The following ZNF804B variants were observed in gnomAD, a reference collection of about 807,000 sequenced individuals.
ZNF804B encodes zinc finger protein 804B, also known as zinc finger 804B.
A neutral mutation model predicts 101.4 loss-of-function variants in ZNF804B; 80 were observed. That is an observed-to-expected ratio of 0.79 (90% CI 0.66 to 0.95). ZNF804B has a LOEUF of 0.95. Ranked by LOEUF, ZNF804B falls within the 40% of genes least tolerant of loss-of-function variation. ZNF804B has a pLI of 0.00. For synonymous variants in ZNF804B, 622 were observed against 558.8 expected, an observed-to-expected ratio of 1.11 and a Z score of -1.59; for missense variants, 1,673 against 1,561.9, an observed-to-expected ratio of 1.07 and a Z score of -1.20.
intron 2 of ZNF804B, among the ~76,000 whole-genome samples, chr7:89,263,206 G>A (rs901652375): frequency 6.6e-6 from 1 of 152,140 alleles, no homozygotes; most frequent in African/African-American, 2.4e-5. Context: ...TTCCATTGTT[G>A]TTTGCCAAGG....
chr7:89,123,385 T>C (rs1790433304), intron 1 of ZNF804B, among the ~76,000 whole-genome samples: 1 of 152,182 alleles, frequency 6.6e-6, no homozygotes, highest in Non-Finnish European at 1.5e-5. Context: ...TTTGTGAAGA[T>C]GCACCTCCTC....
chr7:88,801,934 G>C (rs1790597427), intron 1 of ZNF804B, among the ~76,000 whole-genome samples: 1 of 152,052 alleles, frequency 6.6e-6, no homozygotes, highest in South Asian at 2.1e-4. Context: ...ATATGGTTTG[G>C]CTGTGTGGCC....
chr7:88,822,731 A>G (rs1413429564), intron 1 of ZNF804B, among the ~76,000 whole-genome samples: 1 of 152,198 alleles, frequency 6.6e-6, no homozygotes, highest in African/African-American at 2.4e-5. Flanking sequence ...GTTCATGGCC[A>G]CTAGTAAATA....
intron 1 of ZNF804B, among the ~76,000 whole-genome samples, chr7:89,217,483 G>A (rs879923894): frequency 5.9e-5 from 9 of 152,174 alleles, no homozygotes; most frequent in Admixed American, 2.0e-4. Context: ...CTTGTGCATA[G>A]TTTATACTCA....
At chr7:89,089,775 G>A (rs747132749) in intron 1 of ZNF804B, among the ~76,000 whole-genome samples, 1 of 151,908 alleles carries the variant, frequency 6.6e-6, no homozygotes, top group Admixed American at 6.6e-5. Context: ...TAAAATGCAG[G>A]TGTTGTATTT....
At chr7:89,280,961 C>A (rs1562935887) in intron 2 of ZNF804B, among the ~76,000 whole-genome samples, 1 of 152,060 alleles carries the variant, frequency 6.6e-6, no homozygotes, top group Non-Finnish European at 1.5e-5. Flanking sequence ...TAAGTCTAAT[C>A]TTTGTTCTAC....
intron 1 of ZNF804B, among the ~76,000 whole-genome samples, chr7:89,028,120 T>G (rs1369739385): frequency 6.6e-6 from 1 of 152,148 alleles, no homozygotes; most frequent in Non-Finnish European, 1.5e-5. Flanking sequence ...TACATAATTA[T>G]AGAGTGGTTT....
chr7:89,048,330 G>T (rs1231577827), intron 1 of ZNF804B, among the ~76,000 whole-genome samples: 1 of 151,888 alleles, frequency 6.6e-6, no homozygotes, highest in South Asian at 2.1e-4. Flanking sequence ...AAGGAATGAA[G>T]TCTTTTTTAA....
At chr7:89,132,169 T>TACACACACAC (rs59188340) in intron 1 of ZNF804B, among the ~76,000 whole-genome samples, 106 of 131,404 alleles carry the variant, frequency 8.1e-4, no homozygotes, top group East Asian at 7.1e-3. Flanking sequence ...CACGCACACA[T>TACACACACAC]ACACACACAC....
At chr7:88,762,581 C>T (rs367744805) in intron 1 of ZNF804B, among the ~76,000 whole-genome samples, 1 of 152,088 alleles carries the variant, frequency 6.6e-6, no homozygotes, top group African/African-American at 2.4e-5. Context: ...AATACACATT[C>T]CCCAGTTATT....
chr7:89,060,010 C>G (rs1789354454), intron 1 of ZNF804B, among the ~76,000 whole-genome samples: 1 of 152,098 alleles, frequency 6.6e-6, no homozygotes. Context: ...CTTTGGACTC[C>G]AGGACTTACA....
intron 1 of ZNF804B, among the ~76,000 whole-genome samples, chr7:89,188,827 A>G (rs958142614): frequency 6.6e-6 from 1 of 152,160 alleles, no homozygotes; most frequent in African/African-American, 2.4e-5. Context: ...GCTGTAGAAG[A>G]AAAGATTGAA....
intron 1 of ZNF804B, among the ~76,000 whole-genome samples, chr7:88,896,898 T>G (rs1342659786): frequency 5.9e-5 from 9 of 152,198 alleles, no homozygotes; most frequent in Admixed American, 5.9e-4. Context: ...ATTTTTCTCA[T>G]AAAAGTGAAT....
intron 2 of ZNF804B, among the ~76,000 whole-genome samples, chr7:89,259,487 G>T (rs551233412): frequency 3.9e-4 from 60 of 152,238 alleles, no homozygotes; most frequent in African/African-American, 1.3e-3. Context: ...AACAATGATG[G>T]CATCTTCAAT....
At chr7:89,275,453 A>G (rs947599827) in intron 2 of ZNF804B, among the ~76,000 whole-genome samples, 3 of 152,030 alleles carry the variant, frequency 2.0e-5, no homozygotes, top group Non-Finnish European at 4.4e-5. Flanking sequence ...ATCAAAATGG[A>G]TAATGATCTG....
At chr7:88,997,966 T>C (rs1211680088) in intron 1 of ZNF804B, among the ~76,000 whole-genome samples, 2 of 152,104 alleles carry the variant, frequency 1.3e-5, no homozygotes, top group Non-Finnish European at 2.9e-5. Flanking sequence ...CAGTTGTTCC[T>C]GTACAGATCT....
At chr7:88,996,107 T>C (rs1320075980) in intron 1 of ZNF804B, among the ~76,000 whole-genome samples, 5 of 152,046 alleles carry the variant, frequency 3.3e-5, no homozygotes, top group African/African-American at 1.2e-4. Context: ...AGTATGGACT[T>C]CAGTAGATAA....
At position 89,334,815 on chromosome 7, in the gene ZNF804B, A is replaced by G. The variant is rs375070924; in HGVS notation, c.1833A>G (p.Gln611=). The G allele has an allele frequency of 7.5e-5, 121 of 1,613,796 alleles. No individual in the cohort carries two copies. Among genetic ancestry groups the G allele is most frequent in the Non-Finnish European group, 9.6e-5 (113 of 1,179,896 alleles). ...KLKEASRAHW[Q]GCRKAVLNDI... The stretch of plus-strand genomic sequence containing the variant: ...AGGAAGCTTCAAGGGCCCATTGGCA[A>G]GGCTGCAGAAAGGCAGTTCTAAATG... Residue 611 remains glutamine (Q), a synonymous_variant, in exon 4 of 4, where the codon CAA becomes CAG. Coordinates refer to ENST00000333190, the MANE Select transcript of ZNF804B (RefSeq NM_181646.5).
At chr7:89,081,211 C>T (rs1388979672) in intron 1 of ZNF804B, among the ~76,000 whole-genome samples, 2 of 151,808 alleles carry the variant, frequency 1.3e-5, no homozygotes, top group African/African-American at 2.4e-5. Flanking sequence ...AAATTTGAAA[C>T]TTATTCAGTG....
Sources: gnomAD v4.1 joint callset for allele counts (sites outside exome capture counted in the v4.1 genomes callset) on GRCh38, gnomAD v4.1.1 for gene constraint, MANE v1.5 for transcripts, NCBI Gene and HGNC (gene_info 2026-07-23, HGNC 2026-07-21) for gene names.